The following TBL1XR1 variants were observed in gnomAD, a reference collection of about 807,000 sequenced individuals.
TBL1XR1 encodes the protein TBL1X/Y related 1.
TBL1XR1 carries 5 observed loss-of-function variants against 66.9 expected under a neutral mutation model. That is an observed-to-expected ratio of 0.07 (90% CI 0.04 to 0.16). TBL1XR1 has a LOEUF of 0.16. Among genes scored for constraint, TBL1XR1 ranks in the 10% least tolerant of loss-of-function variants. The probability of loss-of-function intolerance (pLI) is 1.00; values close to 1 mark genes in which losing one functional copy is unlikely to be tolerated. For missense variants in TBL1XR1, 238 were observed against 623.2 expected (o/e 0.38, Z 6.58); for synonymous variants, 210 against 206.0 (o/e 1.02, Z -0.17).
intron 2 of TBL1XR1, among the ~76,000 whole-genome samples, chr3:177,067,712 A>T (rs901052721): frequency 5.3e-5 from 8 of 151,814 alleles, no homozygotes; most frequent in Non-Finnish European, 1.2e-4. Flanking sequence ...TTTTTTTTTT[A>T]AAGGAAAAAG....
At chr3:177,129,293 CA>C (rs1728009458) in intron 1 of TBL1XR1, among the ~76,000 whole-genome samples, 3 of 151,976 alleles carry the variant, frequency 2.0e-5, no homozygotes, top group Admixed American at 2.0e-4. Flanking sequence ...TAACGAGATC[CA>C]GAAGAAAATG....
intron 1 of TBL1XR1, among the ~76,000 whole-genome samples, chr3:177,108,991 G>T (rs1230614246): frequency 6.6e-6 from 1 of 151,998 alleles, no homozygotes; most frequent in Non-Finnish European, 1.5e-5. Flanking sequence ...CTTTTTGATG[G>T]GATAAGGATA....
At chr3:177,177,030 A>T (rs1372080712) in intron 1 of TBL1XR1, among the ~76,000 whole-genome samples, 1 of 152,168 alleles carries the variant, frequency 6.6e-6, no homozygotes, top group Non-Finnish European at 1.5e-5. Flanking sequence ...TACTGGTAGC[A>T]TCCAAATGGG....
chr3:177,176,117 CT>C (rs1734117882), intron 1 of TBL1XR1, among the ~76,000 whole-genome samples: 1 of 151,322 alleles, frequency 6.6e-6, no homozygotes, highest in African/African-American at 2.4e-5. Flanking sequence ...GCACTGATAT[CT>C]GGGGGAAAAT....
At chr3:177,167,875 G>A (rs947903570) in intron 1 of TBL1XR1, among the ~76,000 whole-genome samples, 5 of 152,204 alleles carry the variant, frequency 3.3e-5, no homozygotes, top group Non-Finnish European at 5.9e-5. Flanking sequence ...GCAGTGAGTC[G>A]AGATCATGCC....
chr3:177,171,694 C>A (rs1161761449), intron 1 of TBL1XR1, among the ~76,000 whole-genome samples: 2 of 119,678 alleles, frequency 1.7e-5, no homozygotes, highest in Non-Finnish European at 3.3e-5. Context: ...CAGAGCCAGA[C>A]TCCGTCTCAA....
chr3:177,033,697 C>G lies in TBL1XR1; in HGVS notation c.1250+501G>C, dbSNP rs1002637551. ...ACCGACGTAAGTGCCCATCAGCTAA[C>G]AAGTGGATAAAGAAAATGTGGTATA... On this transcript the variant is annotated intron_variant, in intron 13 of 15. Coordinates refer to ENST00000457928, the MANE Select transcript of TBL1XR1 (RefSeq NM_024665.7). Among the ~76,000 whole-genome samples, 15 of 152,194 alleles carry G rather than the reference C, an allele frequency of 9.9e-5. No homozygotes were observed. In the East Asian group the frequency reaches 2.5e-3, roughly 25 times the overall value.
At chr3:177,185,346 C>T (rs567525251) in intron 1 of TBL1XR1, among the ~76,000 whole-genome samples, 9 of 152,342 alleles carry the variant, frequency 5.9e-5, no homozygotes, top group South Asian at 2.1e-4. Context: ...CAGTGGCTCA[C>T]GCCAGTAATT....
intron 2 of TBL1XR1, among the ~76,000 whole-genome samples, chr3:177,084,095 AAAAAAAAG>A (rs994949870): frequency 5.3e-5 from 8 of 150,936 alleles, no homozygotes; most frequent in African/African-American, 1.2e-4. Flanking sequence ...CTCAAAAAAA[AAAAAAAAG>A]AAAAAAGAAA....
Position 177,078,407 on chromosome 3 carries a change from C to A in TBL1XR1, c.-45-13385G>T, listed in dbSNP as rs1201283700. ...TGGGCAACATAGGGAGACCCAGGAT[C>A]TACAAAAAAAAAAAAATTTTGGTTT... On this transcript the variant is annotated intron_variant, in intron 2 of 15. Transcript: ENST00000457928. Among the ~76,000 whole-genome samples the A allele has an allele frequency of 4.0e-5, 6 of 149,550 alleles. No homozygotes were observed. In the East Asian group the frequency reaches 9.8e-4, roughly 24 times the overall value.
At chr3:177,142,153 G>C (rs1352443619) in intron 1 of TBL1XR1, among the ~76,000 whole-genome samples, 4 of 152,140 alleles carry the variant, frequency 2.6e-5, no homozygotes, top group Non-Finnish European at 4.4e-5. Context: ...CAAAATTCAG[G>C]CTTAGCCCAG....
intron 1 of TBL1XR1, among the ~76,000 whole-genome samples, chr3:177,111,798 T>C (rs1725599404): frequency 6.6e-6 from 1 of 151,874 alleles, no homozygotes; most frequent in East Asian, 1.9e-4. Context: ...AGCTAAACAT[T>C]AAACCAAGGT....
At chr3:177,035,596 C>T (rs189364031) in intron 12 of TBL1XR1, among the ~76,000 whole-genome samples, 74 of 151,986 alleles carry the variant, frequency 4.9e-4, no homozygotes, top group Admixed American at 4.1e-3. Flanking sequence ...GTATATTTAG[C>T]AGAGATGGGG....
chr3:177,181,477 CT>C (rs1294460648), intron 1 of TBL1XR1, among the ~76,000 whole-genome samples: 1 of 89,006 alleles, frequency 1.1e-5, no homozygotes, highest in African/African-American at 4.7e-5. Flanking sequence ...CAGACTCCGT[CT>C]TAAAAAAAAA....
rs1130272 is a variant in TBL1XR1, at chr3:177,021,875, A to G, written c.*3623T>C. ...CAGGTTCTGTAGAAATGTACAATGT[A>G]CTTAAGATAATGAAAATTGTAGCGC... On this transcript the variant is annotated 3_prime_UTR_variant, in exon 16 of 16. Coordinates refer to ENST00000457928, the MANE Select transcript of TBL1XR1 (RefSeq NM_024665.7). The G allele has an allele frequency of 0.44, 67,409 of 152,492 alleles. 15,185 individuals are homozygous for G. Among genetic ancestry groups the G allele is most frequent in the East Asian group, 0.58 (2,991 of 5,168 alleles). 9.4% of individuals were successfully genotyped at this position (152,492 alleles called of 1,614,324 possible).
At chr3:177,049,926 G>A (rs1716830044) in intron 7 of TBL1XR1, 71 bp downstream of exon 7, 7 of 1,527,372 alleles carry the variant, frequency 4.6e-6, no homozygotes, top group Non-Finnish European at 5.3e-6. Context: ...GACAAACCCT[G>A]CCGTGAGTAT....
intron 1 of TBL1XR1, among the ~76,000 whole-genome samples, chr3:177,157,451 A>C: frequency 6.6e-6 from 1 of 152,186 alleles, no homozygotes; most frequent in East Asian, 1.9e-4. Flanking sequence ...GATTTAGTAT[A>C]TAATACTATA....
intron 2 of TBL1XR1, among the ~76,000 whole-genome samples, chr3:177,095,202 G>A (rs552421473): frequency 2.4e-4 from 36 of 152,154 alleles, no homozygotes; most frequent in African/African-American, 7.7e-4. Context: ...GCCAGAGGAC[G>A]GGCTAGGGGG....
At chr3:177,177,307 G>A (rs919330721) in intron 1 of TBL1XR1, among the ~76,000 whole-genome samples, 25 of 152,068 alleles carry the variant, frequency 1.6e-4, no homozygotes, top group African/African-American at 5.3e-4. Context: ...AAAATTAACC[G>A]GGTGTGGTGG....
Sources: gnomAD v4.1 joint callset for allele counts (sites outside exome capture counted in the v4.1 genomes callset) on GRCh38, gnomAD v4.1.1 for gene constraint, MANE v1.5 for transcripts, NCBI Gene and HGNC (gene_info 2026-07-23, HGNC 2026-07-21) for gene names.